The following ALCAM variants were observed in gnomAD, a reference collection of about 807,000 sequenced individuals.
ALCAM encodes CD166 antigen.
Under a neutral mutation model 70.9 loss-of-function variants are expected in ALCAM, and 30 were observed. The ratio of observed to expected loss-of-function variants is 0.42; its 90% CI spans 0.32 to 0.57. The LOEUF is 0.57. ALCAM is among the 20% of genes least tolerant of loss of function. ALCAM has a pLI of 0.11. For synonymous variants in ALCAM, 249 were observed against 242.5 expected, an observed-to-expected ratio of 1.03 and a Z score of -0.25; for missense variants, 591 against 695.1, an observed-to-expected ratio of 0.85 and a Z score of 1.68.
At chr3:105,480,102 A>G (rs897969040) in intron 1 of ALCAM, among the ~76,000 whole-genome samples, 1 of 152,174 alleles carries the variant, frequency 6.6e-6, no homozygotes, top group Admixed American at 6.6e-5. Flanking sequence ...AAGTTTATTC[A>G]TTCATTGTCC....
chr3:105,417,125 C>T (rs895705511), intron 1 of ALCAM, among the ~76,000 whole-genome samples: 1 of 151,780 alleles, frequency 6.6e-6, no homozygotes, highest in Non-Finnish European at 1.5e-5. Flanking sequence ...AAAAATGTCT[C>T]CCAGCCCCAC....
chr3:105,497,923 C>T (rs9844458), intron 1 of ALCAM, among the ~76,000 whole-genome samples: 61,342 of 151,106 alleles, frequency 0.41, 13,041 homozygotes, highest in Admixed American at 0.53. Context: ...CCCAGCTACT[C>T]GGGAGGCTGA....
At chr3:105,402,764 G>A (rs867774918) in intron 1 of ALCAM, among the ~76,000 whole-genome samples, 8 of 151,978 alleles carry the variant, frequency 5.3e-5, no homozygotes, top group South Asian at 2.1e-4. Flanking sequence ...GTTCAGACAC[G>A]TCTATCCCTG....
At chr3:105,541,927 A>T (rs569207544) in intron 8 of ALCAM, among the ~76,000 whole-genome samples, 162 bp downstream of exon 8, 3 of 151,952 alleles carry the variant, frequency 2.0e-5, no homozygotes, top group Admixed American at 1.3e-4. Context: ...AACTTTGTCC[A>T]GATTTGTACT....
At chr3:105,390,045 A>G (rs1299508569) in intron 1 of ALCAM, among the ~76,000 whole-genome samples, 1 of 151,922 alleles carries the variant, frequency 6.6e-6, no homozygotes, top group Non-Finnish European at 1.5e-5. Flanking sequence ...TGCAATGATC[A>G]TACCTGTGCA....
In ALCAM at chr3:105,463,324, T is replaced by C. The variant is rs1440129323; in HGVS notation, c.74-56743T>C. Among the ~76,000 whole-genome samples, 6 of 151,434 alleles carry C rather than the reference T, an allele frequency of 4.0e-5. No homozygotes were observed. The Admixed American group carries it at 4.0e-4, about 10-fold the overall frequency. Reference sequence around the variant, plus strand: ...TTTCATGTTGATGCTCTTGCATACATTTTACAGCCTGCTCTGATGGAATTT... The same window carrying C: ...TTTCATGTTGATGCTCTTGCATACACTTTACAGCCTGCTCTGATGGAATTT... On this transcript the variant is annotated intron_variant, in intron 1 of 15. Transcript: ENST00000306107.
intron 14 of ALCAM, among the ~76,000 whole-genome samples, chr3:105,570,872 G>A (rs1160959597): frequency 6.6e-6 from 1 of 152,132 alleles, no homozygotes; most frequent in African/African-American, 2.4e-5. Context: ...TAGCCTTTGG[G>A]CAGGAAGTAG....
At chr3:105,574,143 T>G (rs1172475674) in intron 15 of ALCAM, among the ~76,000 whole-genome samples, 2 of 152,134 alleles carry the variant, frequency 1.3e-5, no homozygotes, top group Admixed American at 6.6e-5. Context: ...AATGAAAAAC[T>G]GTACTTGAAG....
At chr3:105,527,289 C>T (rs1226047064) in intron 3 of ALCAM, among the ~76,000 whole-genome samples, 1 of 152,052 alleles carries the variant, frequency 6.6e-6, no homozygotes, top group East Asian at 1.9e-4. Context: ...AATGGGTACC[C>T]AGAGAGCCAG....
intron 1 of ALCAM, among the ~76,000 whole-genome samples, chr3:105,401,491 G>A (rs908795763): frequency 6.6e-5 from 10 of 152,092 alleles, no homozygotes; most frequent in African/African-American, 1.4e-4. Flanking sequence ...CTCTCAGTGC[G>A]GTTGTTTATT....
intron 1 of ALCAM, among the ~76,000 whole-genome samples, chr3:105,421,570 A>G (rs1936651221): frequency 6.6e-6 from 1 of 151,512 alleles, no homozygotes; most frequent in South Asian, 2.1e-4. Flanking sequence ...TAAGAAGGAA[A>G]TGGTTCTGAT....
intron 1 of ALCAM, among the ~76,000 whole-genome samples, chr3:105,381,418 G>A (rs1458188653): frequency 1.3e-5 from 2 of 151,688 alleles, no homozygotes; most frequent in African/African-American, 4.8e-5. Context: ...GTTTTTATGG[G>A]GCGTAACCTT....
At chr3:105,463,582 G>A (rs1268094695) in intron 1 of ALCAM, among the ~76,000 whole-genome samples, 1 of 151,404 alleles carries the variant, frequency 6.6e-6, no homozygotes, top group Non-Finnish European at 1.5e-5. Flanking sequence ...GGGGTGATTT[G>A]AGAAAAAGAG....
chr3:105,438,538 A>G (rs1009997744), intron 1 of ALCAM, among the ~76,000 whole-genome samples: 5 of 152,198 alleles, frequency 3.3e-5, no homozygotes, highest in African/African-American at 9.6e-5. Context: ...ATAGATACCA[A>G]AATTATATGA....
At chr3:105,465,085 CTTAGAAG>C (rs1217780602) in intron 1 of ALCAM, among the ~76,000 whole-genome samples, 2 of 151,334 alleles carry the variant, frequency 1.3e-5, no homozygotes, top group African/African-American at 4.8e-5. Context: ...AATAGTATCA[CTTAGAAG>C]TTAGAAGAGG....
chr3:105,482,550 A>C (rs1000307345), intron 1 of ALCAM, among the ~76,000 whole-genome samples: 5 of 152,174 alleles, frequency 3.3e-5, no homozygotes, highest in African/African-American at 1.2e-4. Flanking sequence ...AGAACAAATA[A>C]ATTATATAAA....
intron 1 of ALCAM, among the ~76,000 whole-genome samples, chr3:105,504,534 A>G (rs1229270113): frequency 6.8e-6 from 1 of 146,744 alleles, no homozygotes; most frequent in Admixed American, 6.9e-5. Flanking sequence ...CCTCTCCTTC[A>G]GCTGCCCCCG....
intron 1 of ALCAM, among the ~76,000 whole-genome samples, chr3:105,474,506 T>C (rs1559803780): frequency 6.6e-6 from 1 of 151,756 alleles, no homozygotes; most frequent in African/African-American, 2.4e-5. Context: ...CGTAACCTTA[T>C]GTAACTTCAT....
chr3:105,550,260 G>C lies in ALCAM; in HGVS notation c.1507+1G>C. The C allele has an allele frequency of 6.3e-7, 1 of 1,587,862 alleles. No individual in the cohort carries two copies. Among genetic ancestry groups the C allele is most frequent in the Non-Finnish European group, 8.5e-7 (1 of 1,170,268 alleles). On this transcript the variant is annotated splice_donor_variant, in intron 12 of 15. Transcript: ENST00000306107. LOFTEE classifies it high-confidence loss of function. ...GTAAACTCCTTGAATGTCTCTGCTAGTGAGTATTTTATTTCTGGCATTACA... is the reference window on the plus strand; with the variant it reads ...GTAAACTCCTTGAATGTCTCTGCTACTGAGTATTTTATTTCTGGCATTACA...
Sources: gnomAD v4.1 joint callset for allele counts (sites outside exome capture counted in the v4.1 genomes callset) on GRCh38, gnomAD v4.1.1 for gene constraint, MANE v1.5 for transcripts, NCBI Gene and HGNC (gene_info 2026-07-23, HGNC 2026-07-21) for gene names.